Variants in CACNB4 observed in about 807,000 individuals in gnomAD.
The protein encoded by CACNB4 is calcium voltage-gated channel auxiliary subunit beta 4, also known as voltage-dependent L-type calcium channel subunit beta-4.
Under a neutral mutation model 71.2 loss-of-function variants are expected in CACNB4, and 32 were observed. The observed-to-expected ratio is 0.45, with a 90% CI of 0.34 to 0.60. CACNB4 has a LOEUF of 0.60. Ranked by LOEUF, CACNB4 falls within the 20% of genes least tolerant of loss-of-function variation. CACNB4 has a pLI of 0.01. For synonymous variants in CACNB4, 231 were observed against 236.9 expected, an observed-to-expected ratio of 0.97 and a Z score of 0.23; for missense variants, 464 against 647.9, an observed-to-expected ratio of 0.72 and a Z score of 3.08.
At chr2:151,883,561 T>C in intron 2 of CACNB4, 191 bp from the exon 3 acceptor site, 1 of 601,374 alleles carries the variant, frequency 1.7e-6, no homozygotes, top group South Asian at 1.9e-5. Context: ...AGTAGCAATG[T>C]TGTGAAGAAA....
At chr2:151,946,380 T>C (rs912437101) in intron 2 of CACNB4, among the ~76,000 whole-genome samples, 1 of 151,076 alleles carries the variant, frequency 6.6e-6, no homozygotes, top group African/African-American at 2.4e-5. Flanking sequence ...CCTTCCTGGT[T>C]TGCCTGGGAC....
Position 152,092,823 on chromosome 2 carries a change from A to G in CACNB4, c.147+5507T>C, listed in dbSNP as rs374839933. ...ATAGTAACAAACCATATATACATTT[A>G]CATATATATACATATATATATATAA... is the stretch of plus-strand genomic sequence containing the variant. On this transcript the variant is annotated intron_variant, in intron 2 of 13. Transcript: ENST00000539935. 4.3e-4 allele frequency among the ~76,000 whole-genome samples: 65 copies of G among 151,406 alleles called. No individual in the cohort carries two copies. In the South Asian group the frequency reaches 7.9e-3, roughly 18 times the overall value.
chr2:151,914,350 T>C (rs2099856955), intron 2 of CACNB4, among the ~76,000 whole-genome samples: 1 of 152,240 alleles, frequency 6.6e-6, no homozygotes, highest in Non-Finnish European at 1.5e-5. Flanking sequence ...AAACTGGTTA[T>C]CCTAGTTAGC....
intron 2 of CACNB4, among the ~76,000 whole-genome samples, chr2:151,963,578 G>A (rs2099870220): frequency 6.6e-6 from 1 of 152,134 alleles, no homozygotes; most frequent in African/African-American, 2.4e-5. Context: ...CTTCTTTGAA[G>A]TCTTACATTT....
At chr2:151,919,643 G>A (rs369470540) in intron 2 of CACNB4, among the ~76,000 whole-genome samples, 1 of 152,066 alleles carries the variant, frequency 6.6e-6, no homozygotes, top group Non-Finnish European at 1.5e-5. Flanking sequence ...TGTCTACTTA[G>A]GCTCCTCACT....
intron 2 of CACNB4, among the ~76,000 whole-genome samples, chr2:152,072,045 GCAA>G (rs1337627350): frequency 6.6e-6 from 1 of 152,244 alleles, no homozygotes; most frequent in Non-Finnish European, 1.5e-5. Flanking sequence ...GTGATGAAAT[GCAA>G]CAAAAATTCT....
intron 2 of CACNB4, chr2:151,968,365 G>A (rs781500846): frequency 7.9e-5 from 12 of 152,162 alleles, no homozygotes; most frequent in Non-Finnish European, 1.2e-4. Context: ...TATCTGTAGC[G>A]CTTCCTTGGT....
At chr2:151,941,275 A>ATTTTTTTTTTTTTTTTTTTTTT (rs11346045) in intron 2 of CACNB4, among the ~76,000 whole-genome samples, 1 of 112,302 alleles carries the variant, frequency 8.9e-6, no homozygotes, top group African/African-American at 3.5e-5. Flanking sequence ...AAAATGGTTA[A>ATTTTTTTTTTTTTTTTTTTTTT]TTTTTTTTTT....
chr2:152,027,146 G>A (rs1401057772), intron 2 of CACNB4, among the ~76,000 whole-genome samples: 3 of 152,064 alleles, frequency 2.0e-5, no homozygotes, highest in Non-Finnish European at 2.9e-5. Context: ...CAGGTGGTCC[G>A]CCCACCTCAG....
rs199929163 is a variant in CACNB4 at position 152,041,375 on chromosome 2, AT to A, written c.147+56954del. On this transcript the variant is annotated intron_variant, in intron 2 of 13. Transcript: ENST00000539935. ...CATAAGCTCAGTACTTATGGGAAAC[AT>A]TTCTGGAAGAAGGTAAAGGGCAATC... is the stretch of plus-strand genomic sequence containing the variant. Among the ~76,000 whole-genome samples, 494 of 152,342 alleles carry A rather than the reference AT, an allele frequency of 3.2e-3. 5 individuals are homozygous for A. The highest frequency in any genetic ancestry group is 0.011 in the African/African-American group (473 of 41,570).
intron 5 of CACNB4, chr2:151,873,809 G>A (rs1559906671): frequency 1.3e-5 from 2 of 152,188 alleles, no homozygotes; most frequent in African/African-American, 2.4e-5. Flanking sequence ...GGATAATATG[G>A]TTTGGATCTG....
chr2:152,088,293 T>C (rs1198565242), intron 2 of CACNB4, among the ~76,000 whole-genome samples: 4 of 152,102 alleles, frequency 2.6e-5, no homozygotes, highest in African/African-American at 9.7e-5. Flanking sequence ...AGCAATAGCA[T>C]TGGGCCATTT....
chr2:151,870,713 G>T, intron 7 of CACNB4, 102 bp from the exon 8 acceptor site: 2 of 1,247,896 alleles, frequency 1.6e-6, no homozygotes, highest in Non-Finnish European at 2.3e-6. Flanking sequence ...AACGACAAAT[G>T]ATTATCAAAG....
intron 2 of CACNB4, among the ~76,000 whole-genome samples, chr2:152,069,201 T>G (rs1686524261): frequency 6.6e-6 from 1 of 152,138 alleles, no homozygotes; most frequent in Admixed American, 6.5e-5. Flanking sequence ...CACTAATTGC[T>G]CCCAGCACTG....
chr2:152,013,550 T>C (rs759921253), intron 2 of CACNB4, among the ~76,000 whole-genome samples: 2 of 152,068 alleles, frequency 1.3e-5, no homozygotes, highest in Non-Finnish European at 2.9e-5. Flanking sequence ...GATGGAATCC[T>C]GGGGTTCACA....
At chr2:151,886,109 G>C (rs2099849300) in intron 2 of CACNB4, among the ~76,000 whole-genome samples, 1 of 152,112 alleles carries the variant, frequency 6.6e-6, no homozygotes, top group South Asian at 2.1e-4. Context: ...CGCTGTGCCT[G>C]ACCCAGTGTT....
chr2:151,838,914 ATATC>A lies in CACNB4; in HGVS notation c.*201_*204del. 2.2e-6 allele frequency: 1 copy of A among 461,852 alleles called. No individual in the cohort carries two copies. The highest frequency in any genetic ancestry group is 4.9e-5 in the South Asian group (1 of 20,324). 28.6% of individuals were successfully genotyped at this position (461,852 alleles called of 1,614,324 possible). On this transcript the variant is annotated 3_prime_UTR_variant, in exon 14 of 14. Coordinates refer to ENST00000539935, the MANE Select transcript of CACNB4 (RefSeq NM_000726.5). ...TATCATGTAAATGTTGCACTTAAAA[ATATC>A]TATATGATCGGGCATCTAATATCCA...
At chr2:151,990,164 T>C (rs1355717702) in intron 2 of CACNB4, among the ~76,000 whole-genome samples, 1 of 152,224 alleles carries the variant, frequency 6.6e-6, no homozygotes, top group Non-Finnish European at 1.5e-5. Flanking sequence ...AAAATTTGAA[T>C]TCTTTCAGGA....
Position 152,098,435 on chromosome 2 carries a change from C to A in CACNB4, c.64-22G>T, listed in dbSNP as rs370047202. On this transcript the variant is annotated intron_variant, in intron 1 of 13. Coordinates refer to ENST00000539935, the MANE Select transcript of CACNB4 (RefSeq NM_000726.5). This position sits in a 1 kb window ranked among gnomAD's most constrained non-coding sequence, Gnocchi z 5.3. ...CCACCTGGACTCGACACACGGGGGC[C>A]AGAGAGAAGCCGGTGAGGACCGCAG... 2.5e-6 allele frequency: 4 copies of A among 1,600,778 alleles called. No homozygotes were observed. The highest frequency in any genetic ancestry group is 3.3e-5 in the Admixed American group (2 of 59,986).
Sources: gnomAD v4.1 joint callset for allele counts (sites outside exome capture counted in the v4.1 genomes callset) on GRCh38, gnomAD v4.1.1 for gene constraint, Gnocchi (gnomAD v3.1) non-coding constraint, MANE v1.5 for transcripts, NCBI Gene and HGNC (gene_info 2026-07-23, HGNC 2026-07-21) for gene names.